The following TMEM44 variants were observed in gnomAD, a reference collection of about 807,000 sequenced individuals.
TMEM44 encodes the protein transmembrane protein 44.
In TMEM44, 43 loss-of-function variants were observed where a neutral mutation model predicts 47.8. That is an observed-to-expected ratio of 0.90 (90% CI 0.70 to 1.16). TMEM44 has a LOEUF of 1.16. Among genes scored for constraint, TMEM44 ranks in the 50% most tolerant of loss-of-function variants. The pLI, the probability that TMEM44 is intolerant of heterozygous loss-of-function variation, is 0.00. For synonymous variants in TMEM44, 277 were observed against 238.8 expected, an observed-to-expected ratio of 1.16 and a Z score of -1.48; for missense variants, 568 against 555.2, an observed-to-expected ratio of 1.02 and a Z score of -0.23.
chr3:194,590,521 C>T (rs1712530014), intron 9 of TMEM44, among the ~76,000 whole-genome samples: 1 of 152,226 alleles, frequency 6.6e-6, no homozygotes. Flanking sequence ...CTACGTGACC[C>T]ACCTGCCCAG....
chr3:194,588,476 T>G lies in TMEM44; in HGVS notation c.*53A>C. On this transcript the variant is annotated 3_prime_UTR_variant, in exon 10 of 10. Coordinates refer to ENST00000347147, the MANE Select transcript of TMEM44 (RefSeq NM_001011655.3). Reference sequence around the variant, plus strand: ...TGCAGATTGATTCCCGCTGCGTTACTGAACGAACTCCTGACCCTGGGCTCT... The same window carrying G: ...TGCAGATTGATTCCCGCTGCGTTACGGAACGAACTCCTGACCCTGGGCTCT... 6.5e-7 allele frequency: 1 copy of G among 1,537,488 alleles called. No homozygotes were observed. The highest frequency in any genetic ancestry group is 9.0e-7 in the Non-Finnish European group (1 of 1,113,274).
At chr3:194,593,027 A>C in intron 9 of TMEM44, 1 of 1,613,836 alleles carries the variant, frequency 6.2e-7, no homozygotes. Context: ...GAGAAAGAGC[A>C]TGATCGTCCA....
At chr3:194,625,484 T>C (rs1469089704) in intron 3 of TMEM44, among the ~76,000 whole-genome samples, 1 of 151,660 alleles carries the variant, frequency 6.6e-6, no homozygotes, top group African/African-American at 2.4e-5. Flanking sequence ...AGTCTCGCTC[T>C]GTCACCAGGT....
Position 194,611,164 on chromosome 3 carries a change from C to T in TMEM44, c.913-144G>A. On this transcript the variant is annotated intron_variant, in intron 7 of 9. Coordinates refer to ENST00000347147, the MANE Select transcript of TMEM44 (RefSeq NM_001011655.3). The surrounding 1 kb of genome is among the most constrained non-coding windows in gnomAD (Gnocchi z 4.2). The stretch of plus-strand genomic sequence containing the variant: ...TAACGGCACGTCTCACTTTCTGCTT[C>T]CTATAAGATGTGTCTTATCTTTCTC... The T allele has an allele frequency of 1.5e-6, 1 of 685,274 alleles. No homozygotes were observed. Among genetic ancestry groups the T allele is most frequent in the Non-Finnish European group, 2.6e-6 (1 of 387,268 alleles). The allele number at this position is 685,274 out of a possible 1,614,324, so 42.4% of individuals were successfully genotyped here. A position where few individuals can be genotyped will look rare whatever the true frequency, so the allele number is the denominator to read the frequency against.
intron 9 of TMEM44, among the ~76,000 whole-genome samples, chr3:194,600,617 G>A (rs186865119): frequency 1.5e-3 from 226 of 152,244 alleles, no homozygotes; most frequent in East Asian, 8.0e-3. Context: ...CAGGCATGGT[G>A]GTGCATGCCT....
chr3:194,602,206 G>A (rs369820134), intron 9 of TMEM44, among the ~76,000 whole-genome samples: 24 of 152,350 alleles, frequency 1.6e-4, no homozygotes, highest in African/African-American at 5.5e-4. Context: ...GCCCTCAGGG[G>A]CCAGCTGTGC....
chr3:194,605,284 C>T (rs1022233227), intron 8 of TMEM44, among the ~76,000 whole-genome samples: 2 of 152,214 alleles, frequency 1.3e-5, no homozygotes, highest in Admixed American at 6.5e-5. Flanking sequence ...CTTTTGAAGT[C>T]CTGCAGGATT....
rs535196864 is a variant in TMEM44 at position 194,628,397 on chromosome 3, G to C, written c.250C>G (p.Gln84Glu). 1.2e-6 allele frequency: 2 copies of C among 1,611,660 alleles called. No homozygotes were observed. Among genetic ancestry groups the C allele is most frequent in the East Asian group, 2.2e-5 (1 of 44,830 alleles). ...CDTVGALLAR[Q>E]LTIQVFTGAY... ...GCCCAACATACCTGGATTGTGAGCT[G>C]TCTGGCCAGAAGAGCCCCGACGGTG... Residue 84 changes from glutamine (Q) to glutamate (E), a missense_variant, in exon 2 of 10, where the codon CAG (glutamine) becomes GAG (glutamate). Coordinates refer to ENST00000347147, the MANE Select transcript of TMEM44 (RefSeq NM_001011655.3).
intron 1 of TMEM44, 180 bp downstream of exon 1, chr3:194,632,899 C>T (rs756852298): frequency 3.1e-5 from 32 of 1,048,022 alleles, no homozygotes; most frequent in Non-Finnish European, 3.9e-5. Context: ...CTTCCCTGTG[C>T]GTGGGATCCG....
intron 9 of TMEM44, among the ~76,000 whole-genome samples, chr3:194,598,036 G>A (rs1713631365): frequency 6.6e-6 from 1 of 152,172 alleles, no homozygotes; most frequent in Admixed American, 6.6e-5. Flanking sequence ...TTGAATGGGT[G>A]GGCTAGTAAA....
chr3:194,604,523 C>A, intron 8 of TMEM44, 78 bp from the exon 9 acceptor site: 3 of 1,441,714 alleles, frequency 2.1e-6, no homozygotes, highest in Non-Finnish European at 2.8e-6. Context: ...CATTCACATA[C>A]TTCAGTGTTC....
intron 9 of TMEM44, among the ~76,000 whole-genome samples, chr3:194,593,719 C>G (rs781527235): frequency 6.6e-6 from 1 of 152,184 alleles, no homozygotes; most frequent in Non-Finnish European, 1.5e-5. Context: ...AATTAAATAG[C>G]AGGCAGTCCG....
intron 7 of TMEM44, among the ~76,000 whole-genome samples, chr3:194,613,023 G>C (rs1008404231): frequency 6.6e-5 from 10 of 152,278 alleles, no homozygotes; most frequent in African/African-American, 2.4e-4. Context: ...TTTTGATGAA[G>C]ACAAATGGCC....
chr3:194,599,837 G>A (rs566787107), intron 9 of TMEM44, among the ~76,000 whole-genome samples: 21 of 149,062 alleles, frequency 1.4e-4, no homozygotes, highest in African/African-American at 4.9e-4. Flanking sequence ...TCGGCTCACT[G>A]CAACCTCCGC....
At chr3:194,630,944 G>A (rs1319498156) in intron 1 of TMEM44, among the ~76,000 whole-genome samples, 2 of 116,678 alleles carry the variant, frequency 1.7e-5, no homozygotes, top group African/African-American at 3.4e-5. Context: ...ATGCCTCCTG[G>A]AGGGGCTGGC....
chr3:194,626,087 T>A, intron 2 of TMEM44, 97 bp from the exon 3 acceptor site: 1 of 905,548 alleles, frequency 1.1e-6, no homozygotes, highest in Non-Finnish European at 1.8e-6. Context: ...TGGGTTACAC[T>A]GATGCGGTGC....
At position 194,604,339 on chromosome 3, in the gene TMEM44, C is replaced by A; in HGVS notation, c.1124G>T (p.Arg375Leu). The A allele has an allele frequency of 6.3e-7, 1 of 1,576,560 alleles. No homozygotes were observed. Among genetic ancestry groups the A allele is most frequent in the Non-Finnish European group, 8.6e-7 (1 of 1,161,636 alleles). The change falls in exon 9 of 10, where the codon CGG becomes CTG. Residue 375 changes from arginine (R) to leucine (L), a missense_variant. Coordinates refer to ENST00000347147, the MANE Select transcript of TMEM44 (RefSeq NM_001011655.3). ...CTCAGAGGAGCTGCCGGAAGACACC[C>A]GGGCCCGGATGACCTGAACGGGAGG... ...SYPPVQVIRA[R>L]VSSGSSSEVS...
rs372812235 is a variant in TMEM44, at chr3:194,631,456, A to T, written c.137+1623T>A. ...GTACAGAGGGCTCTTGGCTTTCTAAACATTTCCTGACCTGCTGGCCCAAGC... is the reference window on the plus strand; with the variant it reads ...GTACAGAGGGCTCTTGGCTTTCTAATCATTTCCTGACCTGCTGGCCCAAGC... On this transcript the variant is annotated intron_variant, in intron 1 of 9. Coordinates refer to ENST00000347147, the MANE Select transcript of TMEM44 (RefSeq NM_001011655.3). Among the ~76,000 whole-genome samples, 94 of 152,286 alleles carry T rather than the reference A, an allele frequency of 6.2e-4. 3 individuals are homozygous for T. The South Asian group carries it at 0.018, about 29-fold the overall frequency.
Position 194,611,858 on chromosome 3 carries a change from C to G in TMEM44, c.913-838G>C, listed in dbSNP as rs1263579222. Among the ~76,000 whole-genome samples the G allele has an allele frequency of 6.6e-6, 1 of 152,008 alleles. No homozygotes were observed. Among genetic ancestry groups the G allele is most frequent in the Non-Finnish European group, 1.5e-5 (1 of 68,016 alleles). On this transcript the variant is annotated intron_variant, in intron 7 of 9. Coordinates refer to ENST00000347147, the MANE Select transcript of TMEM44 (RefSeq NM_001011655.3). The surrounding 1 kb of genome is among the most constrained non-coding windows in gnomAD (Gnocchi z 4.2). The stretch of plus-strand genomic sequence containing the variant: ...TCAACATAGTGAAACCCTGTCTCTA[C>G]TAAAAATACAAAAATTGGCTGGGCA...
Sources: allele counts gnomAD v4.1 joint callset (sites outside exome capture counted in the v4.1 genomes callset), GRCh38; gene constraint gnomAD v4.1.1; non-coding constraint Gnocchi (gnomAD v3.1); transcripts MANE v1.5; gene names NCBI Gene and HGNC (gene_info 2026-07-23, HGNC 2026-07-21).